Variants in NXPE2 observed in about 807,000 individuals in gnomAD.
NXPE2 encodes NXPE family member 2.
In NXPE2, 34 loss-of-function variants were observed where a neutral mutation model predicts 34.4. The observed-to-expected ratio is 0.99, with a 90% CI of 0.75 to 1.31. NXPE2 has a LOEUF of 1.31. NXPE2 is among the 40% of genes most tolerant of loss of function. The probability of loss-of-function intolerance (pLI) is 0.00; values close to 1 mark genes in which losing one functional copy is unlikely to be tolerated. For missense variants in NXPE2, 649 were observed against 672.5 expected, an observed-to-expected ratio of 0.97 and a Z score of 0.39; for synonymous variants, 235 against 231.3, an observed-to-expected ratio of 1.02 and a Z score of -0.15.
chr11:114,786,033 G>C, the NXPE2 span, among the ~76,000 whole-genome samples: 26 of 152,338 alleles, frequency 1.7e-4, no homozygotes, highest in South Asian at 5.2e-3. Context: ...CCTCCAGAGA[G>C]AATAATGAAG....
chr11:114,762,142 A>G, the NXPE2 span, among the ~76,000 whole-genome samples: 1 of 152,106 alleles, frequency 6.6e-6, no homozygotes, highest in African/African-American at 2.4e-5. Flanking sequence ...GGGCTTATAG[A>G]AGAGGTGACT....
chr11:114,641,960 T>C, the NXPE2 span, among the ~76,000 whole-genome samples: 3 of 152,076 alleles, frequency 2.0e-5, no homozygotes, highest in Admixed American at 2.0e-4. Context: ...GGACATATTT[T>C]TGTGGTATAT....
the NXPE2 span, among the ~76,000 whole-genome samples, chr11:114,601,216 A>C: frequency 6.6e-6 from 1 of 151,298 alleles, no homozygotes; most frequent in Non-Finnish European, 1.5e-5. Flanking sequence ...TTTACCCAAT[A>C]AGTAATTTTT....
At chr11:114,549,959 T>C in the NXPE2 span, among the ~76,000 whole-genome samples, 62 of 152,008 alleles carry the variant, frequency 4.1e-4, 1 homozygote, top group African/African-American at 1.4e-3. Context: ...GAAGTGACAA[T>C]CCAATATATG....
At chr11:114,626,869 A>C in the NXPE2 span, among the ~76,000 whole-genome samples, 1 of 152,180 alleles carries the variant, frequency 6.6e-6, no homozygotes, top group Admixed American at 6.6e-5. Context: ...CTACGTGAAG[A>C]ATGCAGAAGC....
chr11:114,710,411 A>C (rs1051232695), downstream of NXPE2, among the ~76,000 whole-genome samples: 15 of 152,194 alleles, frequency 9.9e-5, no homozygotes, highest in Admixed American at 6.5e-4. Flanking sequence ...GCAATGAGAC[A>C]TTAAAATGGA....
At chr11:114,538,680 A>C in the NXPE2 span, among the ~76,000 whole-genome samples, 1 of 152,362 alleles carries the variant, frequency 6.6e-6, no homozygotes, top group South Asian at 2.1e-4. Flanking sequence ...AACACGTGAA[A>C]AAATGCTCAT....
chr11:114,725,037 T>C, the NXPE2 span, among the ~76,000 whole-genome samples: 1 of 151,966 alleles, frequency 6.6e-6, no homozygotes, highest in Non-Finnish European at 1.5e-5. Flanking sequence ...TTTGTGTCCA[T>C]GGTTCATAAA....
the NXPE2 span, among the ~76,000 whole-genome samples, chr11:114,561,371 A>G: frequency 6.6e-6 from 1 of 152,168 alleles, no homozygotes; most frequent in Non-Finnish European, 1.5e-5. Context: ...CATCCAAGTT[A>G]TTGCATGTGT....
chr11:114,722,385 G>A, the NXPE2 span, among the ~76,000 whole-genome samples: 1 of 151,274 alleles, frequency 6.6e-6, no homozygotes, highest in Admixed American at 6.6e-5. Context: ...GGTCTTCCCA[G>A]CCATGTGGAA....
chr11:114,635,026 T>A, the NXPE2 span, among the ~76,000 whole-genome samples: 187 of 152,108 alleles, frequency 1.2e-3, 2 homozygotes, highest in Admixed American at 5.8e-3. Context: ...TTGATGGGGA[T>A]GGCATTGAGT....
chr11:114,548,482 T>C, the NXPE2 span, among the ~76,000 whole-genome samples: 2 of 152,046 alleles, frequency 1.3e-5, no homozygotes, highest in East Asian at 3.8e-4. Context: ...ATTCTTATAA[T>C]GCAGGTATTT....
the NXPE2 span, among the ~76,000 whole-genome samples, chr11:114,550,492 TAAG>T: frequency 6.6e-6 from 1 of 152,128 alleles, no homozygotes; most frequent in Non-Finnish European, 1.5e-5. Flanking sequence ...GAATTTTAAA[TAAG>T]AAGATTAGGA....
the NXPE2 span, among the ~76,000 whole-genome samples, chr11:114,607,671 A>C: frequency 6.6e-6 from 1 of 151,612 alleles, no homozygotes; most frequent in African/African-American, 2.4e-5. Flanking sequence ...GTGGATAATA[A>C]GTGTTGAGTT....
the NXPE2 span, among the ~76,000 whole-genome samples, chr11:114,497,162 G>A: frequency 2.0e-5 from 3 of 152,120 alleles, no homozygotes; most frequent in East Asian, 5.8e-4. Context: ...GGATGTGAAG[G>A]TGGAAGACAG....
At chr11:114,703,695 TAGATGATAGATAGATA>T (rs1951414056) in intron 3 of NXPE2, among the ~76,000 whole-genome samples, 1 of 19,362 alleles carries the variant, frequency 5.2e-5, no homozygotes. Context: ...GATAGATAGA[TAGATGATAGATAGATA>T]GATAGACAGA....
the NXPE2 span, among the ~76,000 whole-genome samples, chr11:114,523,618 G>A: frequency 1.3e-5 from 2 of 152,130 alleles, no homozygotes; most frequent in African/African-American, 4.8e-5. Context: ...TTTGCTAAAA[G>A]CAACATGCAA....
At chr11:114,535,112 G>T in the NXPE2 span, among the ~76,000 whole-genome samples, 1 of 152,232 alleles carries the variant, frequency 6.6e-6, no homozygotes, top group South Asian at 2.1e-4. Context: ...CCAGAAGAGA[G>T]TGGGGACCAA....
the NXPE2 span, among the ~76,000 whole-genome samples, chr11:114,799,588 C>A: frequency 6.6e-6 from 1 of 152,168 alleles, no homozygotes; most frequent in Admixed American, 6.5e-5. Flanking sequence ...CAAGGAGACC[C>A]CCTGGGTGGG....
Sources: allele counts gnomAD v4.1 joint callset (sites outside exome capture counted in the v4.1 genomes callset), GRCh38; gene constraint gnomAD v4.1.1; transcripts MANE v1.5; gene names NCBI Gene and HGNC (gene_info 2026-07-23, HGNC 2026-07-21).